The following CFAP65 variants were observed in gnomAD, a reference collection of about 807,000 sequenced individuals.
CFAP65 encodes cilia- and flagella-associated protein 65.
CFAP65 carries 155 observed loss-of-function variants against 208.0 expected under a neutral mutation model. That is an observed-to-expected ratio of 0.75 (90% CI 0.65 to 0.85). CFAP65 has a LOEUF of 0.85. CFAP65 is among the 40% of genes least tolerant of loss of function. The pLI is 0.00. For synonymous variants in CFAP65, 970 were observed against 986.3 expected, an observed-to-expected ratio of 0.98 and a Z score of 0.31; for missense variants, 2,294 against 2,451.3, an observed-to-expected ratio of 0.94 and a Z score of 1.36.
intron 28 of CFAP65, 80 bp downstream of exon 28, chr2:219,009,267 G>T: frequency 6.9e-7 from 1 of 1,447,150 alleles, no homozygotes; most frequent in Non-Finnish European, 9.7e-7. Context: ...GGGGTCTGGG[G>T]ATCTCACAGC....
chr2:219,036,669 C>T (rs183706298), intron 4 of CFAP65, among the ~76,000 whole-genome samples: 147 of 152,268 alleles, frequency 9.7e-4, no homozygotes, highest in African/African-American at 3.3e-3. Context: ...GTCTTGAACT[C>T]CTGACCTCAG....
Position 219,009,933 on chromosome 2 carries a change from G to A in CFAP65, c.4452+9C>T. Reference sequence around the variant, plus strand: ...CTGATGGAGGTTCCAGGGCTCAGGGGACTCTCACCTCCCCAAAATCTAGAG... The same window carrying A: ...CTGATGGAGGTTCCAGGGCTCAGGGAACTCTCACCTCCCCAAAATCTAGAG... On this transcript the variant is annotated intron_variant, in intron 27 of 34. Transcript: ENST00000341552. 6.2e-7 allele frequency: 1 copy of A among 1,604,082 alleles called. No homozygotes were observed. The highest frequency in any genetic ancestry group is 8.5e-7 in the Non-Finnish European group (1 of 1,175,918).
At position 219,004,913 on chromosome 2, in the gene CFAP65, TTC is replaced by T. The variant is rs1161617698; in HGVS notation, c.5052-460_5052-459del. The stretch of plus-strand genomic sequence containing the variant: ...TCTCTCTCTCTATTTCTCTCTTTCT[TTC>T]TCTCTCTTTCTCTCCTCTTTTTTCT... On this transcript the variant is annotated intron_variant, in intron 32 of 34. Transcript: ENST00000341552. This position sits in a 1 kb window ranked among gnomAD's most constrained non-coding sequence, Gnocchi z 4.7. Among the ~76,000 whole-genome samples, 1 of 150,812 alleles carries T rather than the reference TTC, an allele frequency of 6.6e-6. No individual in the cohort carries two copies. Among genetic ancestry groups the T allele is most frequent in the Admixed American group, 6.6e-5 (1 of 15,224 alleles).
chr2:219,023,389 G>T lies in CFAP65; in HGVS notation c.2638C>A (p.Leu880Met). The T allele has an allele frequency of 6.3e-7, 1 of 1,596,108 alleles. No individual in the cohort carries two copies. Among genetic ancestry groups the T allele is most frequent in the Non-Finnish European group, 8.5e-7 (1 of 1,172,008 alleles). The change falls in exon 16 of 35, where the codon CTG (leucine) becomes ATG (methionine). Residue 880 changes from leucine (L) to methionine (M), a missense_variant. Physicochemically the swap from Leu to Met is conservative, Grantham distance 15 (BLOSUM62 2). This residue lies in a region of CFAP65 where 1,427 missense variants were observed against 1,438.7 expected (regional missense o/e 0.99). Transcript: ENST00000341552. Reference sequence around the variant, plus strand: ...AAGTAGAGGCTTTTGTGGGTGTCCAGCTTCAGCTGCAGTGGCTCCTCCCGG... The same window carrying T: ...AAGTAGAGGCTTTTGTGGGTGTCCATCTTCAGCTGCAGTGGCTCCTCCCGG... Reference protein sequence around the residue: ...YSREEPLQLKLDTHKSLYFKP... With the variant: ...YSREEPLQLKMDTHKSLYFKP...
Position 219,038,509 on chromosome 2 carries a change from C to A in CFAP65, c.223G>T (p.Val75Phe), listed in dbSNP as rs373764995. 1 of 1,614,166 alleles carries A rather than the reference C, an allele frequency of 6.2e-7. No homozygotes were observed. Among genetic ancestry groups the A allele is most frequent in the Non-Finnish European group, 8.5e-7 (1 of 1,180,038 alleles). Residue 75 changes from valine (V) to phenylalanine (F), a missense_variant, in exon 4 of 35, where the codon GTC (valine) becomes TTC (phenylalanine). By Grantham distance (50) the Val-to-Phe change is conservative (BLOSUM62 -1). This residue lies in a region of CFAP65 where 867 missense variants were observed against 1,012.6 expected (regional missense o/e 0.86). Transcript: ENST00000341552. Reference sequence around the variant, plus strand: ...TTCCTGCTGTTCCTGGACCTCACGACGGAGCTTGGAGCCTGGGTGAGCATC... The same window carrying A: ...TTCCTGCTGTTCCTGGACCTCACGAAGGAGCTTGGAGCCTGGGTGAGCATC... ...DMMLTQAPSS[V>F]VRSRNSRNHT...
Position 219,035,513 on chromosome 2 carries a change from T to C in CFAP65, c.509A>G (p.Asn170Ser), listed in dbSNP as rs749062225. The C allele has an allele frequency of 1.1e-5, 18 of 1,613,984 alleles. No homozygotes were observed. The highest frequency in any genetic ancestry group is 1.4e-5 in the Non-Finnish European group (17 of 1,180,024). Residue 170 changes from asparagine to serine, a missense_variant, in exon 5 of 35, where the codon AAT becomes AGT. This residue lies in a region of CFAP65 where 867 missense variants were observed against 1,012.6 expected (regional missense o/e 0.86). Transcript: ENST00000341552. ...KETTRNLVLKNRSLKLQKMKY... is the reference protein window; with the variant it reads ...KETTRNLVLKSRSLKLQKMKY... ...CATCTTCTGGAGTTTCAAGGATCGA[T>C]TTTTCAGAACCAGATTCCTTGTGGT... is the stretch of plus-strand genomic sequence containing the variant.
rs61682338 is a variant in CFAP65, at chr2:219,024,475, C to T, written c.2350-215G>A. The stretch of plus-strand genomic sequence containing the variant: ...TTCTCCAGAGACCTCCAGAAAGGGG[C>T]GGGGGGGGGGCAGGGGGGCGGGGGC... On this transcript the variant is annotated intron_variant, in intron 14 of 34. Transcript: ENST00000341552. Among the ~76,000 whole-genome samples, 39 of 32,972 alleles carry T rather than the reference C, an allele frequency of 1.2e-3. 1 individual carries two copies. Among genetic ancestry groups the T allele is most frequent in the Admixed American group, 2.2e-3 (7 of 3,236 alleles). The allele number at this position is 32,972 out of a possible 152,430, so 21.6% of individuals were successfully genotyped here.
intron 15 of CFAP65, 60 bp from the exon 16 acceptor site, chr2:219,023,491 A>C: frequency 7.9e-7 from 1 of 1,266,094 alleles, no homozygotes; most frequent in Non-Finnish European, 1.1e-6. Context: ...AGCCCCCCAC[A>C]ACATGTCCAG....
At position 219,024,076 on chromosome 2, in the gene CFAP65, C is replaced by A; in HGVS notation, c.2534G>T (p.Gly845Val). ...QIILICTYPE[G>V]SSWKQHTFYL... Reference sequence around the variant, plus strand: ...GAAAGTGTGCTGCTTCCAGGAGCTGCCCTCAGGGTAGGTGCAGATGAGGAT... The same window carrying A: ...GAAAGTGTGCTGCTTCCAGGAGCTGACCTCAGGGTAGGTGCAGATGAGGAT... Residue 845 changes from glycine to valine, a missense_variant, in exon 15 of 35, where the codon GGC becomes GTC. By Grantham distance (109) the Gly-to-Val change is moderately radical. Coordinates refer to ENST00000341552, the MANE Select transcript of CFAP65 (RefSeq NM_194302.4). The A allele has an allele frequency of 6.2e-7, 1 of 1,614,068 alleles. No homozygotes were observed. The highest frequency in any genetic ancestry group is 8.5e-7 in the Non-Finnish European group (1 of 1,180,026).
intron 1 of CFAP65, among the ~76,000 whole-genome samples, chr2:219,041,141 A>C (rs1948634279): frequency 1.3e-5 from 2 of 152,338 alleles, no homozygotes; most frequent in East Asian, 3.9e-4. Context: ...AGGACTTTAA[A>C]AAATATATAT....
chr2:219,012,731 G>A (rs1401842713), intron 24 of CFAP65, among the ~76,000 whole-genome samples: 22 of 152,218 alleles, frequency 1.4e-4, no homozygotes, highest in Admixed American at 1.4e-3. Flanking sequence ...ATTCCAGAAG[G>A]ACATCCTTTT....
rs3736403 is a variant in CFAP65 at position 219,040,525 on chromosome 2, T to C, written c.-9A>G. The stretch of plus-strand genomic sequence containing the variant: ...AGGCAGGCAAGGCTCCTACCTCCAA[T>C]TGTGAACTGGACGTTCAGATGAAAT... On this transcript the variant is annotated 5_prime_UTR_variant, in exon 2 of 35. Transcript: ENST00000341552. The C allele has an allele frequency of 0.1, 155,231 of 1,492,632 alleles. 8,233 individuals carry two copies. The highest frequency in any genetic ancestry group is 0.16 in the East Asian group (6,546 of 40,678). 92.5% of individuals were successfully genotyped at this position (1,492,632 alleles called of 1,614,324 possible). A position where few individuals can be genotyped will look rare whatever the true frequency, so the allele number is the denominator to read the frequency against.
intron 21 of CFAP65, 57 bp downstream of exon 21, chr2:219,018,994 C>T: frequency 6.2e-7 from 1 of 1,611,100 alleles, no homozygotes; most frequent in Non-Finnish European, 8.5e-7. Context: ...TCTTGTTCTC[C>T]TTCAGCCTCT....
Position 219,028,291 on chromosome 2 carries a change from C to CA in CFAP65, c.1760dup (p.Thr588AspfsTer6). 1 of 1,614,122 alleles carries CA rather than the reference C, an allele frequency of 6.2e-7. No homozygotes were observed. The highest frequency in any genetic ancestry group is 8.5e-7 in the Non-Finnish European group (1 of 1,180,014). On this transcript the variant is annotated frameshift_variant, in exon 12 of 35. Coordinates refer to ENST00000341552, the MANE Select transcript of CFAP65 (RefSeq NM_194302.4). LOFTEE classifies it high-confidence loss of function. Reference sequence around the variant, plus strand: ...CCAGGATGTCAGGGGGGTAGAGCGTCAGGCCCCGGGCCAGGTGTGTGCGGT... The same window carrying CA: ...CCAGGATGTCAGGGGGGTAGAGCGTCAAGGCCCCGGGCCAGGTGTGTGCGGT...
chr2:219,005,413 G>T (rs1386571694), intron 32 of CFAP65, 21 bp downstream of exon 32: 1 of 1,613,428 alleles, frequency 6.2e-7, no homozygotes, highest in East Asian at 2.2e-5. Flanking sequence ...GGCAATGAGG[G>T]CCCAGGGTGT....
chr2:219,027,704 C>T lies in CFAP65; in HGVS notation c.2157G>A (p.Pro719=), dbSNP rs140322077. The change falls in exon 13 of 35, where the codon CCG becomes CCA. Residue 719 remains proline (P), a synonymous_variant. Coordinates refer to ENST00000341552, the MANE Select transcript of CFAP65 (RefSeq NM_194302.4). The stretch of plus-strand genomic sequence containing the variant: ...CCGTGTAAAGGCAGTTGGGGTGAGG[C>T]GGCTGGAAGTGCAGGCGCATGGCCA... ...KSMAMRLHFQ[P]PHPNCLYTVE... The T allele has an allele frequency of 1.1e-4, 181 of 1,614,046 alleles. No individual in the cohort carries two copies. The African/African-American group carries it at 1.3e-3, about 12-fold the overall frequency.
intron 9 of CFAP65, among the ~76,000 whole-genome samples, 180 bp from the exon 10 acceptor site, chr2:219,030,388 C>T (rs1279574297): frequency 6.6e-6 from 1 of 152,212 alleles, no homozygotes; most frequent in Non-Finnish European, 1.5e-5. Flanking sequence ...AGTCATGTGC[C>T]CTGCGCTGGG....
intron 18 of CFAP65, 45 bp downstream of exon 18, chr2:219,021,735 T>C (rs780070534): frequency 1.9e-6 from 3 of 1,605,354 alleles, no homozygotes; most frequent in Admixed American, 3.4e-5. Context: ...AACCAGTACC[T>C]CCTCCCACCT....
intron 18 of CFAP65, 104 bp downstream of exon 18, chr2:219,021,676 G>A: frequency 7.7e-7 from 1 of 1,292,598 alleles, no homozygotes; most frequent in African/African-American, 1.5e-5. Flanking sequence ...TTCTTGAAGA[G>A]CTGGGACTAC....
Sources: allele counts gnomAD v4.1 joint callset (sites outside exome capture counted in the v4.1 genomes callset), GRCh38; gene constraint gnomAD v4.1.1; regional missense constraint gnomAD v4.1.1; non-coding constraint Gnocchi (gnomAD v3.1); transcripts MANE v1.5; gene names NCBI Gene and HGNC (gene_info 2026-07-23, HGNC 2026-07-21).